The following RALYL variants were observed in gnomAD, a reference collection of about 807,000 sequenced individuals.
RALYL encodes RALY RNA binding protein like.
Under a neutral mutation model 35.1 loss-of-function variants are expected in RALYL, and 29 were observed. That is an observed-to-expected ratio of 0.83 (90% CI 0.61 to 1.13). The LOEUF is 1.13. Ranked by LOEUF, RALYL falls within the 50% of genes most tolerant of loss-of-function variation. RALYL has a pLI of 0.00. For synonymous variants in RALYL, 120 were observed against 127.6 expected (o/e 0.94, Z 0.40); for missense variants, 359 against 360.4 (o/e 1.00, Z 0.03).
At chr8:84,185,740 T>A (rs1812359086) in intron 1 of RALYL, among the ~76,000 whole-genome samples, 1 of 152,208 alleles carries the variant, frequency 6.6e-6, no homozygotes, top group South Asian at 2.1e-4. Context: ...AAACAACAAC[T>A]TTTTACCTCT....
At chr8:84,687,443 A>G (rs921853974) in intron 2 of RALYL, among the ~76,000 whole-genome samples, 1 of 152,110 alleles carries the variant, frequency 6.6e-6, no homozygotes, top group Admixed American at 6.6e-5. Flanking sequence ...TCAACTGATT[A>G]GGTTAATTGA....
At chr8:84,769,018 T>C (rs556845830) in intron 2 of RALYL, among the ~76,000 whole-genome samples, 1 of 152,326 alleles carries the variant, frequency 6.6e-6, no homozygotes, top group Admixed American at 6.5e-5. Context: ...TCAATAAACT[T>C]AAGTCTCAAG....
intron 2 of RALYL, among the ~76,000 whole-genome samples, chr8:84,560,645 T>A (rs1365975632): frequency 6.6e-6 from 1 of 151,912 alleles, no homozygotes; most frequent in Non-Finnish European, 1.5e-5. Flanking sequence ...ATATTTTGGT[T>A]TAGGATAATA....
intron 2 of RALYL, among the ~76,000 whole-genome samples, chr8:84,619,371 T>G (rs370424200): frequency 2.0e-5 from 3 of 150,548 alleles, no homozygotes; most frequent in Non-Finnish European, 4.4e-5. Context: ...CTCTTTTGAT[T>G]TTTGTTGGTT....
chr8:84,310,534 A>G (rs1842569084), intron 1 of RALYL, among the ~76,000 whole-genome samples: 1 of 152,142 alleles, frequency 6.6e-6, no homozygotes, highest in Non-Finnish European at 1.5e-5. Context: ...AGGGAAATGA[A>G]CGAAAGGGAT....
chr8:84,344,719 C>A (rs1407470923), intron 1 of RALYL, among the ~76,000 whole-genome samples: 1 of 151,984 alleles, frequency 6.6e-6, no homozygotes, highest in African/African-American at 2.4e-5. Flanking sequence ...AATTCCCATC[C>A]CCTTACCACC....
chr8:84,729,265 GCTGT>G (rs1240611312), intron 2 of RALYL, among the ~76,000 whole-genome samples: 1 of 151,952 alleles, frequency 6.6e-6, no homozygotes, highest in African/African-American at 2.4e-5. Flanking sequence ...TCATGATTTG[GCTGT>G]CTGTTTGTCT....
chr8:84,814,245 C>T (rs993774930), intron 4 of RALYL, among the ~76,000 whole-genome samples: 1 of 150,166 alleles, frequency 6.7e-6, no homozygotes, highest in African/African-American at 2.5e-5. Flanking sequence ...AATCAGAAAG[C>T]TTTAAAATAA....
chr8:84,368,386 C>T (rs1854970458), intron 1 of RALYL, among the ~76,000 whole-genome samples: 1 of 152,060 alleles, frequency 6.6e-6, no homozygotes, highest in South Asian at 2.1e-4. Flanking sequence ...AATGCTTAGA[C>T]ATATGTTTTG....
At chr8:84,397,896 G>T (rs1224312707) in intron 1 of RALYL, among the ~76,000 whole-genome samples, 1 of 152,038 alleles carries the variant, frequency 6.6e-6, no homozygotes, top group Non-Finnish European at 1.5e-5. Flanking sequence ...TAGCTTCTTT[G>T]CCATTAGTTT....
intron 1 of RALYL, among the ~76,000 whole-genome samples, chr8:84,419,943 CATT>C (rs1272337261): frequency 6.6e-6 from 1 of 151,134 alleles, no homozygotes; most frequent in African/African-American, 2.4e-5. Flanking sequence ...TCCAGTCTAT[CATT>C]GTTGGACATT....
chr8:84,277,187 T>C, intron 1 of RALYL, among the ~76,000 whole-genome samples: 1 of 152,200 alleles, frequency 6.6e-6, no homozygotes, highest in East Asian at 1.9e-4. Context: ...GTCTTACAGT[T>C]CCACATGGCT....
In RALYL at chr8:84,322,726, CT is replaced by C. The variant is rs552405783; in HGVS notation, c.-24+138303del. 3.4e-3 allele frequency among the ~76,000 whole-genome samples: 519 copies of C among 152,114 alleles called. 2 individuals are homozygous for C. The highest frequency in any genetic ancestry group is 6.8e-3 in the Middle Eastern group (2 of 294). On this transcript the variant is annotated intron_variant, in intron 1 of 8. Coordinates refer to ENST00000521268, the MANE Select transcript of RALYL (RefSeq NM_173848.7). ...AAGAGTTTTAGAGAGTGACCAGTGC[CT>C]GGTAGAGTATTTGCATTTTTCTCAG...
chr8:84,327,846 C>T (rs112508132), intron 1 of RALYL, among the ~76,000 whole-genome samples: 7,199 of 152,042 alleles, frequency 0.047, 262 homozygotes, highest in African/African-American at 0.083. Flanking sequence ...TTTTTTAAAT[C>T]TTTAATATAG....
chr8:84,601,591 C>A (rs1272595551), intron 2 of RALYL, among the ~76,000 whole-genome samples: 1 of 151,624 alleles, frequency 6.6e-6, no homozygotes, highest in Non-Finnish European at 1.5e-5. Context: ...GATGCAGTGG[C>A]CATAGCTGCT....
intron 2 of RALYL, among the ~76,000 whole-genome samples, chr8:84,532,213 C>T (rs192256391): frequency 2.6e-4 from 40 of 151,862 alleles, no homozygotes; most frequent in African/African-American, 8.9e-4. Context: ...TTGAATATAC[C>T]CAGCGGTTTT....
chr8:84,611,277 A>G (rs1023196037), intron 2 of RALYL, among the ~76,000 whole-genome samples: 1 of 152,280 alleles, frequency 6.6e-6, no homozygotes, highest in Middle Eastern at 3.4e-3. Context: ...TATGATGTAC[A>G]TCAAAGAGGT....
chr8:84,425,404 C>T lies in RALYL; in HGVS notation c.-23-103895C>T, dbSNP rs547555580. Among the ~76,000 whole-genome samples the T allele has an allele frequency of 5.3e-5, 8 of 152,304 alleles. No individual in the cohort carries two copies. The East Asian group carries it at 5.8e-4, about 11-fold the overall frequency. Reference sequence around the variant, plus strand: ...GGTGAGGCAATGCCTCGCCCTGCTTCGGCTCGCGCACGGTGCGCTCACCCA... The same window carrying T: ...GGTGAGGCAATGCCTCGCCCTGCTTTGGCTCGCGCACGGTGCGCTCACCCA... On this transcript the variant is annotated intron_variant, in intron 1 of 8. Coordinates refer to ENST00000521268, the MANE Select transcript of RALYL (RefSeq NM_173848.7).
At chr8:84,712,063 A>G (rs978958938) in intron 2 of RALYL, among the ~76,000 whole-genome samples, 2 of 152,154 alleles carry the variant, frequency 1.3e-5, no homozygotes, top group Admixed American at 1.3e-4. Flanking sequence ...TCTCTAGAGG[A>G]CACTATTAAA....
Sources: gnomAD v4.1 joint callset for allele counts (sites outside exome capture counted in the v4.1 genomes callset) on GRCh38, gnomAD v4.1.1 for gene constraint, MANE v1.5 for transcripts, NCBI Gene and HGNC (gene_info 2026-07-23, HGNC 2026-07-21) for gene names.